Variants in PTPRT observed in about 807,000 individuals in gnomAD.
PTPRT encodes the protein protein tyrosine phosphatase receptor type T, also known as receptor-type tyrosine-protein phosphatase T.
A neutral mutation model predicts 176.8 loss-of-function variants in PTPRT; 56 were observed. That is an observed-to-expected ratio of 0.32 (90% CI 0.26 to 0.40). PTPRT has a LOEUF of 0.40. Among genes scored for constraint, PTPRT ranks in the 10% least tolerant of loss-of-function variants. The pLI is 1.00. For synonymous variants in PTPRT, 783 were observed against 739.0 expected (o/e 1.06, Z -0.96); for missense variants, 1,540 against 1,908.2 (o/e 0.81, Z 3.60).
At chr20:42,355,112 G>C (rs1443360846) in intron 9 of PTPRT, among the ~76,000 whole-genome samples, 3 of 152,108 alleles carry the variant, frequency 2.0e-5, no homozygotes, top group Non-Finnish European at 2.9e-5. Context: ...TTCTCCATGG[G>C]TGCTTGCTGG....
intron 1 of PTPRT, among the ~76,000 whole-genome samples, chr20:43,173,763 G>C (rs1449891862): frequency 6.6e-6 from 1 of 152,210 alleles, no homozygotes; most frequent in African/African-American, 2.4e-5. Context: ...CCTTCCCTCA[G>C]AATTACCTGC....
At chr20:42,126,798 T>C (rs1335653302) in intron 19 of PTPRT, among the ~76,000 whole-genome samples, 1 of 152,212 alleles carries the variant, frequency 6.6e-6, no homozygotes, top group African/African-American at 2.4e-5. Context: ...AACTGAATAC[T>C]GGATGTATGA....
chr20:43,074,381 C>A lies in PTPRT; in HGVS notation c.88+115265G>T, dbSNP rs572849387. On this transcript the variant is annotated intron_variant, in intron 1 of 30. Coordinates refer to ENST00000373187, the MANE Select transcript of PTPRT (RefSeq NM_007050.6). The stretch of plus-strand genomic sequence containing the variant: ...CTGGATCTCCAACAATCTCAGCATT[C>A]CATTTCATTAAAATGAAACTGATCT... Among the ~76,000 whole-genome samples the A allele has an allele frequency of 5.3e-5, 8 of 152,334 alleles. No homozygotes were observed. In the South Asian group the frequency reaches 1.2e-3, roughly 24 times the overall value.
chr20:43,184,106 T>G lies in PTPRT; in HGVS notation c.88+5540A>C, dbSNP rs183568634. Reference sequence around the variant, plus strand: ...TGTTTACCAAAGTGACTCCACCATTTTTTATTCCCTCCAGCATCAAACAAA... The same window carrying G: ...TGTTTACCAAAGTGACTCCACCATTGTTTATTCCCTCCAGCATCAAACAAA... On this transcript the variant is annotated intron_variant, in intron 1 of 30. Transcript: ENST00000373187. 2.0e-5 allele frequency among the ~76,000 whole-genome samples: 3 copies of G among 152,376 alleles called. No homozygotes were observed. The East Asian group carries it at 5.8e-4, about 29-fold the overall frequency.
intron 15 of PTPRT, among the ~76,000 whole-genome samples, chr20:42,206,951 C>G (rs531883032): frequency 2.2e-3 from 335 of 151,834 alleles, no homozygotes; most frequent in Non-Finnish European, 3.6e-3. Context: ...ATCTGAGAAC[C>G]TGCAGACTGC....
At chr20:42,580,853 G>C (rs1321824142) in intron 7 of PTPRT, among the ~76,000 whole-genome samples, 6 of 152,116 alleles carry the variant, frequency 3.9e-5, no homozygotes, top group Non-Finnish European at 8.8e-5. Flanking sequence ...TCTGCAAACA[G>C]GGACAATTTG....
chr20:43,152,032 T>C (rs566573088), intron 1 of PTPRT, among the ~76,000 whole-genome samples: 2 of 152,350 alleles, frequency 1.3e-5, no homozygotes, highest in East Asian at 3.8e-4. Flanking sequence ...TTCTTTTTAC[T>C]GCAACATCTG....
chr20:42,973,810 T>C (rs1982792105), intron 1 of PTPRT, among the ~76,000 whole-genome samples: 1 of 152,204 alleles, frequency 6.6e-6, no homozygotes, highest in Non-Finnish European at 1.5e-5. Flanking sequence ...AACTGGGAAA[T>C]AATTAATTGG....
chr20:42,046,854 C>G, the PTPRT span, among the ~76,000 whole-genome samples: 1 of 152,042 alleles, frequency 6.6e-6, no homozygotes, highest in Non-Finnish European at 1.5e-5. Context: ...CTGGCTCTGC[C>G]TGTAGCCACA....
At chr20:42,574,088 C>A (rs545836178) in intron 7 of PTPRT, among the ~76,000 whole-genome samples, 4 of 152,140 alleles carry the variant, frequency 2.6e-5, no homozygotes, top group Non-Finnish European at 5.9e-5. Flanking sequence ...GCAGTTTGGG[C>A]TCCCAAGTTG....
chr20:42,463,663 G>A (rs1308706247), intron 8 of PTPRT, among the ~76,000 whole-genome samples: 2 of 152,004 alleles, frequency 1.3e-5, no homozygotes, highest in African/African-American at 4.8e-5. Flanking sequence ...GGTTAACAAT[G>A]GTGAACTTTG....
At chr20:42,622,434 G>A (rs1002971833) in intron 7 of PTPRT, among the ~76,000 whole-genome samples, 4 of 152,064 alleles carry the variant, frequency 2.6e-5, no homozygotes, top group Non-Finnish European at 5.9e-5. Flanking sequence ...TAGAGACGGG[G>A]TTTCACCTTG....
chr20:42,541,956 G>A (rs1201405295), intron 7 of PTPRT, among the ~76,000 whole-genome samples: 1 of 152,088 alleles, frequency 6.6e-6, no homozygotes, highest in African/African-American at 2.4e-5. Context: ...ATCCCCATGT[G>A]TCATGGGACG....
chr20:42,636,574 C>A lies in PTPRT; in HGVS notation c.1153+41292G>T, dbSNP rs574220298. Among the ~76,000 whole-genome samples, 47 of 152,058 alleles carry A rather than the reference C, an allele frequency of 3.1e-4. No individual in the cohort carries two copies. The South Asian group carries it at 7.5e-3, about 24-fold the overall frequency. ...CTGAGGTGGGGGCATCACTTGAGAT[C>A]AGGAGTTTGAGACCAGCCTGGCCAA... On this transcript the variant is annotated intron_variant, in intron 7 of 30. Coordinates refer to ENST00000373187, the MANE Select transcript of PTPRT (RefSeq NM_007050.6).
At chr20:43,123,621 A>G (rs181856376) in intron 1 of PTPRT, among the ~76,000 whole-genome samples, 3 of 152,232 alleles carry the variant, frequency 2.0e-5, no homozygotes, top group African/African-American at 4.8e-5. Flanking sequence ...TTTCAACTGT[A>G]AAGTGCCACA....
chr20:42,097,917 C>A (rs1274813100), intron 27 of PTPRT, among the ~76,000 whole-genome samples: 1 of 152,200 alleles, frequency 6.6e-6, no homozygotes, highest in African/African-American at 2.4e-5. Flanking sequence ...AGGAAGCCTG[C>A]CGGGGAACAA....
At chr20:43,027,408 G>T (rs1476352007) in intron 1 of PTPRT, among the ~76,000 whole-genome samples, 2 of 151,306 alleles carry the variant, frequency 1.3e-5, no homozygotes, top group Non-Finnish European at 2.9e-5. Flanking sequence ...CCCAGGAGGT[G>T]GAGGTTGCAG....
chr20:42,359,251 G>A (rs778721487), intron 9 of PTPRT, among the ~76,000 whole-genome samples: 9 of 152,290 alleles, frequency 5.9e-5, no homozygotes, highest in African/African-American at 1.2e-4. Flanking sequence ...GAACAACACC[G>A]GGGTCCCTTT....
At chr20:43,101,732 T>A (rs781615477) in intron 1 of PTPRT, among the ~76,000 whole-genome samples, 2 of 152,150 alleles carry the variant, frequency 1.3e-5, no homozygotes, top group Non-Finnish European at 2.9e-5. Flanking sequence ...TGGGTCTGAT[T>A]ATTCCATTCA....
Sources: allele counts gnomAD v4.1 joint callset (sites outside exome capture counted in the v4.1 genomes callset), GRCh38; gene constraint gnomAD v4.1.1; transcripts MANE v1.5; gene names NCBI Gene and HGNC (gene_info 2026-07-23, HGNC 2026-07-21).